The following NRG1 variants were observed in gnomAD, a reference collection of about 807,000 sequenced individuals.
The protein encoded by NRG1 is neuregulin 1.
In NRG1, 18 loss-of-function variants were observed where a neutral mutation model predicts 63.8. That is an observed-to-expected ratio of 0.28 (90% CI 0.19 to 0.42). NRG1 has a LOEUF of 0.42. Among genes scored for constraint, NRG1 ranks in the 10% least tolerant of loss-of-function variants. The pLI is 1.00. For synonymous variants in NRG1, 302 were observed against 301.3 expected (o/e 1.00, Z -0.02); for missense variants, 762 against 814.7 (o/e 0.94, Z 0.79).
intron 5 of NRG1, among the ~76,000 whole-genome samples, chr8:32,722,687 C>T (rs140629613): frequency 2.3e-4 from 35 of 152,104 alleles, no homozygotes; most frequent in Admixed American, 5.2e-4. Flanking sequence ...ACACATAATA[C>T]ATAATATTGT....
chr8:32,752,480 G>A (rs1252978414), intron 7 of NRG1, among the ~76,000 whole-genome samples: 2 of 152,116 alleles, frequency 1.3e-5, no homozygotes, highest in East Asian at 1.9e-4. Context: ...TGCACCAGCC[G>A]CTTCGCTTTC....
intron 1 of NRG1, among the ~76,000 whole-genome samples, chr8:31,684,997 C>A (rs1808737009): frequency 6.6e-6 from 1 of 152,046 alleles, no homozygotes; most frequent in South Asian, 2.1e-4. Context: ...CCTTAGTAAC[C>A]CTGCACTGGA....
chr8:32,691,865 T>C (rs1346381230), intron 5 of NRG1, among the ~76,000 whole-genome samples: 1 of 152,216 alleles, frequency 6.6e-6, no homozygotes, highest in Non-Finnish European at 1.5e-5. Flanking sequence ...TGGGTTGCTT[T>C]CTGCCTTGAT....
chr8:32,676,874 G>A (rs1281873137), intron 5 of NRG1, among the ~76,000 whole-genome samples: 1 of 152,132 alleles, frequency 6.6e-6, no homozygotes, highest in Non-Finnish European at 1.5e-5. Context: ...GAGAAATGGG[G>A]TATAAGTGTG....
At chr8:31,928,597 TGTG>T (rs1211692563) in intron 1 of NRG1, among the ~76,000 whole-genome samples, 3 of 151,214 alleles carry the variant, frequency 2.0e-5, no homozygotes, top group Admixed American at 6.6e-5. Flanking sequence ...ATAAAGAAAA[TGTG>T]GTGCGTGCAT....
chr8:32,643,727 T>G (rs556081649), intron 5 of NRG1, among the ~76,000 whole-genome samples: 1 of 152,210 alleles, frequency 6.6e-6, no homozygotes, highest in East Asian at 1.9e-4. Context: ...GCTCATTTGA[T>G]TTAAATGATA....
intron 1 of NRG1, among the ~76,000 whole-genome samples, chr8:32,167,662 G>T (rs1839541965): frequency 6.6e-6 from 1 of 152,152 alleles, no homozygotes; most frequent in South Asian, 2.1e-4. Context: ...AAATGGGAGA[G>T]TACATGATTT....
chr8:32,326,012 CTTT>C (rs68070632), intron 1 of NRG1, among the ~76,000 whole-genome samples: 4 of 139,048 alleles, frequency 2.9e-5, no homozygotes, highest in African/African-American at 2.7e-5. Context: ...TCAGATGTCA[CTTT>C]TTTTTTTTTT....
At chr8:32,727,568 G>T (rs1822529455) in intron 5 of NRG1, among the ~76,000 whole-genome samples, 1 of 152,116 alleles carries the variant, frequency 6.6e-6, no homozygotes, top group Non-Finnish European at 1.5e-5. Flanking sequence ...ATTAAAAATA[G>T]ATGTCTAAAT....
intron 1 of NRG1, among the ~76,000 whole-genome samples, chr8:32,503,236 G>C (rs1426740772): frequency 7.5e-6 from 1 of 133,732 alleles, no homozygotes; most frequent in African/African-American, 2.8e-5. Flanking sequence ...GCAGTAAGCC[G>C]AGATGGTGCC....
At chr8:32,230,193 A>G (rs1275215087) in intron 1 of NRG1, among the ~76,000 whole-genome samples, 1 of 152,176 alleles carries the variant, frequency 6.6e-6, no homozygotes, top group Non-Finnish European at 1.5e-5. Context: ...ACGAACTACA[A>G]CTGTGGAAAA....
At chr8:32,107,144 G>C (rs1241319389) in intron 1 of NRG1, among the ~76,000 whole-genome samples, 1 of 152,126 alleles carries the variant, frequency 6.6e-6, no homozygotes, top group Non-Finnish European at 1.5e-5. Flanking sequence ...GCTGAGGCAG[G>C]AGTATCGCTT....
intron 1 of NRG1, among the ~76,000 whole-genome samples, chr8:32,104,127 C>G (rs966214746): frequency 1.3e-5 from 2 of 151,980 alleles, no homozygotes; most frequent in African/African-American, 2.4e-5. Flanking sequence ...TTACATGAAC[C>G]CTGATGGCAA....
At chr8:32,483,983 G>A (rs1279699352) in intron 1 of NRG1, among the ~76,000 whole-genome samples, 1 of 151,932 alleles carries the variant, frequency 6.6e-6, no homozygotes, top group Non-Finnish European at 1.5e-5. Flanking sequence ...GGCGCCTGCA[G>A]TCCCAGCTAC....
At chr8:32,686,824 C>T (rs1054079453) in intron 5 of NRG1, among the ~76,000 whole-genome samples, 1 of 152,126 alleles carries the variant, frequency 6.6e-6, no homozygotes, top group Non-Finnish European at 1.5e-5. Flanking sequence ...AAAGTGTGCT[C>T]AATGTATGGG....
At chr8:31,761,392 T>C (rs957217979) in intron 1 of NRG1, among the ~76,000 whole-genome samples, 11 of 152,112 alleles carry the variant, frequency 7.2e-5, no homozygotes, top group Non-Finnish European at 2.9e-5. Flanking sequence ...ACATGGCACA[T>C]GTATACATAC....
chr8:32,350,612 T>G lies in NRG1; in HGVS notation c.38-245216T>G, dbSNP rs533845888. Among the ~76,000 whole-genome samples, 4 of 152,296 alleles carry G rather than the reference T, an allele frequency of 2.6e-5. No individual in the cohort carries two copies. In the East Asian group the frequency reaches 7.7e-4, roughly 29 times the overall value. ...TCCTCGTTAAGAGATCTGATCAGAT[T>G]TGACTTCTAATCCCAGATATAAGGT... On this transcript the variant is annotated intron_variant, in intron 1 of 10. Coordinates refer to the NRG1 transcript ENST00000519301.
intron 5 of NRG1, among the ~76,000 whole-genome samples, chr8:32,660,011 T>C (rs1472675862): frequency 6.6e-6 from 1 of 152,192 alleles, no homozygotes; most frequent in African/African-American, 2.4e-5. Flanking sequence ...TGCTTATTGC[T>C]CATAGTAGAC....
At chr8:31,659,542 C>G (rs1386820448) in intron 1 of NRG1, among the ~76,000 whole-genome samples, 1 of 152,000 alleles carries the variant, frequency 6.6e-6, no homozygotes, top group Admixed American at 6.5e-5. Flanking sequence ...TCAGGAGCAA[C>G]AGATTGGGGT....
Sources: gnomAD v4.1 joint callset for allele counts (sites outside exome capture counted in the v4.1 genomes callset) on GRCh38, gnomAD v4.1.1 for gene constraint, MANE v1.5 for transcripts, NCBI Gene and HGNC (gene_info 2026-07-23, HGNC 2026-07-21) for gene names.